Variants in ZMYND11 observed in about 807,000 individuals in gnomAD.
ZMYND11 encodes zinc finger MYND-type containing 11, also known as zinc finger MYND domain-containing protein 11.
ZMYND11 carries 9 observed loss-of-function variants against 84.9 expected under a neutral mutation model. The ratio of observed to expected loss-of-function variants is 0.11; its 90% CI spans 0.06 to 0.18. The LOEUF (loss-of-function observed/expected upper bound fraction) is 0.18, where lower values mean the gene tolerates loss of function less well. ZMYND11 is among the 10% of genes least tolerant of loss of function. The pLI, the probability that ZMYND11 is intolerant of heterozygous loss-of-function variation, is 1.00. For synonymous variants in ZMYND11, 250 were observed against 244.1 expected, an observed-to-expected ratio of 1.02 and a Z score of -0.23; for missense variants, 409 against 761.0, an observed-to-expected ratio of 0.54 and a Z score of 5.44.
At chr10:179,645 C>T (rs1284676517) in intron 1 of ZMYND11, among the ~76,000 whole-genome samples, 1 of 152,150 alleles carries the variant, frequency 6.6e-6, no homozygotes, top group African/African-American at 2.4e-5. Context: ...AAATTACAAA[C>T]AACGCGATGT....
intron 4 of ZMYND11, among the ~76,000 whole-genome samples, chr10:236,039 T>C (rs536894596): frequency 6.6e-6 from 1 of 152,360 alleles, no homozygotes; most frequent in East Asian, 1.9e-4. Flanking sequence ...AATCATTATC[T>C]AGTGACCTGA....
At chr10:233,178 C>T (rs1356730148) in intron 4 of ZMYND11, among the ~76,000 whole-genome samples, 2 of 152,176 alleles carry the variant, frequency 1.3e-5, no homozygotes, top group Non-Finnish European at 2.9e-5. Context: ...ATCAGAATTT[C>T]TGGGGGCGGC....
At chr10:230,499 A>C (rs948359509) in intron 4 of ZMYND11, among the ~76,000 whole-genome samples, 1 of 122,630 alleles carries the variant, frequency 8.2e-6, no homozygotes, top group Non-Finnish European at 1.7e-5. Flanking sequence ...AAAAAAAAAA[A>C]AACTACAGCC....
intron 7 of ZMYND11, 44 bp downstream of exon 7, chr10:239,569 A>T: frequency 1.5e-6 from 2 of 1,297,026 alleles, no homozygotes; most frequent in South Asian, 2.5e-5. Flanking sequence ...TAAACACACC[A>T]TTTACATTCC....
intron 6 of ZMYND11, 34 bp from the exon 7 acceptor site, chr10:239,404 C>T (rs999142224): frequency 2.0e-5 from 31 of 1,571,450 alleles, no homozygotes; most frequent in East Asian, 1.3e-4. Context: ...TTACTGGTAA[C>T]TCTTTTCGTC....
chr10:171,179 A>AC (rs542254218), intron 1 of ZMYND11, among the ~76,000 whole-genome samples: 2 of 152,270 alleles, frequency 1.3e-5, no homozygotes, highest in South Asian at 4.1e-4. Flanking sequence ...TGACACAAAA[A>AC]CTGATAGAAC....
chr10:226,716 G>A (rs745470480), intron 4 of ZMYND11, among the ~76,000 whole-genome samples: 1 of 152,064 alleles, frequency 6.6e-6, no homozygotes, highest in Non-Finnish European at 1.5e-5. Flanking sequence ...TACTTGGCCC[G>A]CTGAAATGGA....
chr10:246,841 T>G lies in ZMYND11; in HGVS notation c.1026T>G (p.Gly342=), dbSNP rs1589275804. The G allele has an allele frequency of 6.2e-7, 1 of 1,614,118 alleles. No homozygotes were observed. Among genetic ancestry groups the G allele is most frequent in the Non-Finnish European group, 8.5e-7 (1 of 1,180,006 alleles). The change falls in exon 11 of 15, where the codon GGT becomes GGG. Residue 342 remains glycine, a synonymous_variant. Transcript: ENST00000381604. ...GGCTGCACGTGAAGCGCAGTATGGG[T>G]TGGAAAAAGGCCTGTGATGAGCTGG... ...IHRLHVKRSM[G]WKKACDELEL...
At chr10:229,156 G>C (rs1252275191) in intron 4 of ZMYND11, among the ~76,000 whole-genome samples, 1 of 152,138 alleles carries the variant, frequency 6.6e-6, no homozygotes, top group Non-Finnish European at 1.5e-5. Context: ...AGAAAGAGTT[G>C]GCCTTGTAAA....
intron 4 of ZMYND11, among the ~76,000 whole-genome samples, chr10:232,945 C>T (rs531777160): frequency 3.7e-4 from 56 of 152,316 alleles, no homozygotes; most frequent in Non-Finnish European, 6.5e-4. Context: ...TCAGGTTAAC[C>T]TCAAGATCCC....
At position 237,671 on chromosome 10, in the gene ZMYND11, T is replaced by A. The variant is rs1950205104; in HGVS notation, c.603T>A (p.Ile201=). ...LVHSAVDVPT[I]QEKVNEGKYR... is the part of the protein sequence containing the mutation. Reference sequence around the variant, plus strand: ...ACTCAGCTGTGGACGTTCCCACCATTCAAGAGGTAAAGTCGGTTTCTTTTA... The same window carrying A: ...ACTCAGCTGTGGACGTTCCCACCATACAAGAGGTAAAGTCGGTTTCTTTTA... Residue 201 remains isoleucine (I), a synonymous_variant, in exon 6 of 15, where the codon ATT becomes ATA. Coordinates refer to ENST00000381604, the MANE Select transcript of ZMYND11 (RefSeq NM_001370100.5). 6.2e-7 allele frequency: 1 copy of A among 1,607,290 alleles called. No homozygotes were observed. Among genetic ancestry groups the A allele is most frequent in the Non-Finnish European group, 8.5e-7 (1 of 1,177,876 alleles).
intron 1 of ZMYND11, among the ~76,000 whole-genome samples, chr10:152,925 C>T (rs963274179): frequency 2.0e-5 from 3 of 152,230 alleles, no homozygotes; most frequent in Non-Finnish European, 4.4e-5. Flanking sequence ...AACCGCTCAA[C>T]TACATGGAAA....
At chr10:172,243 G>A (rs893715371) in intron 1 of ZMYND11, among the ~76,000 whole-genome samples, 2 of 152,180 alleles carry the variant, frequency 1.3e-5, no homozygotes, top group African/African-American at 4.8e-5. Context: ...TCAAACTGCA[G>A]TACTAGCTAA....
intron 3 of ZMYND11, chr10:218,425 AC>A: frequency 3.5e-6 from 1 of 284,306 alleles, no homozygotes; most frequent in Non-Finnish European, 7.4e-6. Context: ...AAGTAGCGAG[AC>A]CAAGATTATT....
intron 1 of ZMYND11, among the ~76,000 whole-genome samples, chr10:147,533 T>A (rs1564264998): frequency 6.6e-6 from 1 of 151,786 alleles, no homozygotes; most frequent in Non-Finnish European, 1.5e-5. Flanking sequence ...ATTTTTTTTT[T>A]TGGAATAGCT....
intron 12 of ZMYND11, among the ~76,000 whole-genome samples, chr10:247,811 T>TTTAA (rs1952468970): frequency 6.6e-6 from 1 of 152,248 alleles, no homozygotes; most frequent in South Asian, 2.1e-4. Context: ...TTATCCAGTA[T>TTTAA]ATCAGTTGTG....
At chr10:205,748 G>A (rs1169957494) in intron 2 of ZMYND11, among the ~76,000 whole-genome samples, 1 of 151,704 alleles carries the variant, frequency 6.6e-6, no homozygotes, top group Non-Finnish European at 1.5e-5. Flanking sequence ...TTTTTTAACA[G>A]CATTGCTTTA....
At chr10:201,284 G>A (rs564770256) in intron 2 of ZMYND11, among the ~76,000 whole-genome samples, 2 of 152,236 alleles carry the variant, frequency 1.3e-5, no homozygotes, top group African/African-American at 4.8e-5. Context: ...CCACAGTGGT[G>A]TGAACTATTT....
intron 1 of ZMYND11, among the ~76,000 whole-genome samples, chr10:154,518 G>T (rs782211970): frequency 6.2e-4 from 94 of 152,202 alleles, no homozygotes; most frequent in Non-Finnish European, 2.5e-4. Flanking sequence ...CCCCAGCTGG[G>T]AGTGTGCATG....
Sources: gnomAD v4.1 joint callset for allele counts (sites outside exome capture counted in the v4.1 genomes callset) on GRCh38, gnomAD v4.1.1 for gene constraint, MANE v1.5 for transcripts, NCBI Gene and HGNC (gene_info 2026-07-23, HGNC 2026-07-21) for gene names.